The following PRKCZ variants were observed in gnomAD, a reference collection of about 807,000 sequenced individuals.
PRKCZ encodes the protein protein kinase C zeta.
A neutral mutation model predicts 79.5 loss-of-function variants in PRKCZ; 33 were observed. The observed-to-expected ratio is 0.41, with a 90% CI of 0.31 to 0.55. PRKCZ has a LOEUF of 0.55. PRKCZ is among the 20% of genes least tolerant of loss of function. PRKCZ has a pLI of 0.19. For synonymous variants in PRKCZ, 342 were observed against 320.9 expected, an observed-to-expected ratio of 1.07 and a Z score of -0.70; for missense variants, 578 against 813.5, an observed-to-expected ratio of 0.71 and a Z score of 3.52.
chr1:2,088,291 T>C (rs1664888077), intron 4 of PRKCZ, among the ~76,000 whole-genome samples: 1 of 152,010 alleles, frequency 6.6e-6, no homozygotes, highest in Admixed American at 6.5e-5. Context: ...GCCTGGATGG[T>C]GCGCCCCATG....
chr1:2,136,278 C>T (rs886903609), intron 5 of PRKCZ, among the ~76,000 whole-genome samples: 1 of 152,222 alleles, frequency 6.6e-6, no homozygotes, highest in Non-Finnish European at 1.5e-5. Context: ...CGGTCCCTGT[C>T]ATGTGGCAAG....
intron 4 of PRKCZ, among the ~76,000 whole-genome samples, chr1:2,076,184 AC>A (rs1238026461): frequency 1.3e-5 from 2 of 152,004 alleles, no homozygotes; most frequent in Non-Finnish European, 2.9e-5. Context: ...CATCTGAAAA[AC>A]CAGGAGCAGG....
chr1:2,124,985 C>G (rs545114093), intron 4 of PRKCZ, among the ~76,000 whole-genome samples: 2 of 152,316 alleles, frequency 1.3e-5, no homozygotes, highest in South Asian at 2.1e-4. Context: ...AGCTCAGTTC[C>G]TGGTTCTGAG....
intron 4 of PRKCZ, among the ~76,000 whole-genome samples, chr1:2,086,902 C>T (rs941534135): frequency 1.3e-5 from 2 of 152,206 alleles, no homozygotes; most frequent in South Asian, 4.1e-4. Flanking sequence ...CAGGGCTTCT[C>T]AGCATTCTTT....
intron 10 of PRKCZ, among the ~76,000 whole-genome samples, chr1:2,164,752 C>T (rs1047621077): frequency 3.3e-5 from 5 of 152,210 alleles, no homozygotes; most frequent in African/African-American, 1.2e-4. Flanking sequence ...TGCGTTATTA[C>T]CTCTTGGCGG....
chr1:2,061,056 C>T (rs1660629574), intron 4 of PRKCZ, among the ~76,000 whole-genome samples: 2 of 152,210 alleles, frequency 1.3e-5, no homozygotes, highest in Admixed American at 6.5e-5. Context: ...TCCACAGCGC[C>T]CTGCAGCCTC....
At chr1:2,138,267 C>T (rs549339744) in intron 5 of PRKCZ, among the ~76,000 whole-genome samples, 25 of 152,334 alleles carry the variant, frequency 1.6e-4, no homozygotes, top group South Asian at 4.1e-4. Context: ...GGGCATCCGT[C>T]GCTGGGGACT....
In PRKCZ at chr1:2,173,584, C is replaced by G. The variant is rs558885698; in HGVS notation, c.1286-313C>G. ...AAGCTTAGTTCTGTAGAAGCAGAAACGAGAGAGGAGGGTCGTCCGCAGGTT... is the reference window on the plus strand; with the variant it reads ...AAGCTTAGTTCTGTAGAAGCAGAAAGGAGAGAGGAGGGTCGTCCGCAGGTT... On this transcript the variant is annotated intron_variant, in intron 13 of 17. Transcript: ENST00000378567. This position sits in a 1 kb window ranked among gnomAD's most constrained non-coding sequence, Gnocchi z 5.7. Among the ~76,000 whole-genome samples the G allele has an allele frequency of 6.6e-6, 1 of 152,200 alleles. No individual in the cohort carries two copies. The highest frequency in any genetic ancestry group is 1.5e-5 in the Non-Finnish European group (1 of 68,032).
rs1350730398 is a variant in PRKCZ at position 2,094,689 on chromosome 1, C to T, written c.334+35098C>T. Among the ~76,000 whole-genome samples the T allele has an allele frequency of 1.6e-4, 23 of 143,864 alleles. No individual in the cohort carries two copies. Among genetic ancestry groups the T allele is most frequent in the African/African-American group, 5.5e-4 (21 of 38,182 alleles). 94.4% of individuals were successfully genotyped at this position (143,864 alleles called of 152,430 possible). On this transcript the variant is annotated intron_variant, in intron 4 of 17. Transcript: ENST00000378567. The surrounding 1 kb of genome is among the most constrained non-coding windows in gnomAD (Gnocchi z 7.3). ...CTTGGGCGCTGCCCGTTCTGAGGCGCCCGCTGTGCCCGGCTCGTTGAACCT... is the reference window on the plus strand; with the variant it reads ...CTTGGGCGCTGCCCGTTCTGAGGCGTCCGCTGTGCCCGGCTCGTTGAACCT...
intron 7 of PRKCZ, among the ~76,000 whole-genome samples, chr1:2,148,031 C>G (rs1679022949): frequency 6.6e-6 from 1 of 151,620 alleles, no homozygotes; most frequent in South Asian, 2.1e-4. Flanking sequence ...ACTGACCTCT[C>G]CATCTATCCA....
intron 4 of PRKCZ, among the ~76,000 whole-genome samples, chr1:2,089,155 G>C (rs1196984676): frequency 6.6e-6 from 1 of 152,148 alleles, no homozygotes; most frequent in African/African-American, 2.4e-5. Context: ...CCTTAGCCGG[G>C]GTCAGCTCTG....
intron 15 of PRKCZ, 121 bp from the exon 16 acceptor site, chr1:2,175,100 TCCA>T: frequency 1.2e-6 from 1 of 836,576 alleles, no homozygotes; most frequent in South Asian, 1.6e-5. Flanking sequence ...ACATCTGATT[TCCA>T]CCACCTGGGT....
chr1:2,158,385 C>A (rs1266597527), intron 10 of PRKCZ, among the ~76,000 whole-genome samples: 1 of 152,234 alleles, frequency 6.6e-6, no homozygotes, highest in Non-Finnish European at 1.5e-5. Context: ...CTTGTGGTGA[C>A]CAGGCCCCAG....
chr1:2,140,828 C>T (rs930677459), intron 5 of PRKCZ, among the ~76,000 whole-genome samples: 2 of 152,158 alleles, frequency 1.3e-5, no homozygotes, highest in African/African-American at 2.4e-5. Flanking sequence ...ATCAGCCGGA[C>T]GTGGTGGCAG....
intron 4 of PRKCZ, 55 bp from the exon 5 acceptor site, chr1:2,135,207 C>T (rs771172079): frequency 1.5e-5 from 23 of 1,491,206 alleles, no homozygotes; most frequent in Middle Eastern, 4.5e-4. Flanking sequence ...CTGCACCCTG[C>T]GTGGGCTCGT....
At chr1:2,097,855 C>G (rs1666788394) in intron 4 of PRKCZ, among the ~76,000 whole-genome samples, 1 of 152,226 alleles carries the variant, frequency 6.6e-6, no homozygotes, top group Non-Finnish European at 1.5e-5. Context: ...GCAGATGGAG[C>G]AATGGCGAGA....
intron 4 of PRKCZ, among the ~76,000 whole-genome samples, chr1:2,069,550 C>T (rs1294824485): frequency 6.6e-6 from 1 of 152,146 alleles, no homozygotes; most frequent in Non-Finnish European, 1.5e-5. Flanking sequence ...CCCATTGGAG[C>T]GAGTGTTGAT....
rs184721676 is a variant in PRKCZ at position 2,114,882 on chromosome 1, A to G, written c.335-20380A>G. Among the ~76,000 whole-genome samples the G allele has an allele frequency of 2.5e-3, 388 of 152,376 alleles. 1 individual carries two copies. The highest frequency in any genetic ancestry group is 8.7e-3 in the African/African-American group (362 of 41,594). ...AGAATGTTACGGCCTGGGTGCCTCC[A>G]TTCTCTGATTTCTTTTTCTTTCTTG... On this transcript the variant is annotated intron_variant, in intron 4 of 17. Coordinates refer to ENST00000378567, the MANE Select transcript of PRKCZ (RefSeq NM_002744.6).
chr1:2,101,811 G>T (rs1357132574), intron 4 of PRKCZ, among the ~76,000 whole-genome samples: 1 of 152,228 alleles, frequency 6.6e-6, no homozygotes, highest in African/African-American at 2.4e-5. Context: ...GAGGCGTAGT[G>T]GATGCGTGAT....
Sources: gnomAD v4.1 joint callset for allele counts (sites outside exome capture counted in the v4.1 genomes callset) on GRCh38, gnomAD v4.1.1 for gene constraint, Gnocchi (gnomAD v3.1) non-coding constraint, MANE v1.5 for transcripts, NCBI Gene and HGNC (gene_info 2026-07-23, HGNC 2026-07-21) for gene names.